Variants in DRC11 observed in about 807,000 individuals in gnomAD.
DRC11 encodes the protein IQ and AAA domain-containing protein 1.
chr2:236,342,357 G>A, the DRC11 span, among the ~76,000 whole-genome samples: 38 of 152,320 alleles, frequency 2.5e-4, 1 homozygote, highest in Admixed American at 2.2e-3. The surrounding 1 kb of genome is among the most constrained non-coding windows in gnomAD (Gnocchi z 5.8). Context: ...AGCAGGTTAC[G>A]ATGCCTCCTG....
chr2:236,462,851 T>G, the DRC11 span, among the ~76,000 whole-genome samples: 1 of 152,186 alleles, frequency 6.6e-6, no homozygotes, highest in Non-Finnish European at 1.5e-5. The surrounding 1 kb of genome is among the most constrained non-coding windows in gnomAD (Gnocchi z 6.4). Context: ...AATTTCCCCA[T>G]GAGAGACAGT....
chr2:236,486,189 C>T, the DRC11 span, among the ~76,000 whole-genome samples: 1 of 152,166 alleles, frequency 6.6e-6, no homozygotes, highest in Non-Finnish European at 1.5e-5. The surrounding 1 kb of genome is among the most constrained non-coding windows in gnomAD (Gnocchi z 5.7). Flanking sequence ...ATCTGATGCC[C>T]TACAGGGAAC....
chr2:236,364,877 G>GTTA, the DRC11 span, among the ~76,000 whole-genome samples: 9 of 143,708 alleles, frequency 6.3e-5, no homozygotes, highest in Non-Finnish European at 1.4e-4. Context: ...GAAAATTTAA[G>GTTA]TGATGATTAG....
the DRC11 span, among the ~76,000 whole-genome samples, chr2:236,416,088 A>G: frequency 6.6e-6 from 1 of 151,956 alleles, no homozygotes; most frequent in African/African-American, 2.4e-5. Flanking sequence ...TCAGATGGAG[A>G]TGGATGTAGG....
chr2:236,333,182 T>C, the DRC11 span: 4 of 152,232 alleles, frequency 2.6e-5, no homozygotes, highest in Non-Finnish European at 4.4e-5. The surrounding 1 kb of genome is among the most constrained non-coding windows in gnomAD (Gnocchi z 6.0). Context: ...CTGTTGTTAT[T>C]ACAATGACAA....
At chr2:236,330,972 C>T in the DRC11 span, among the ~76,000 whole-genome samples, 2 of 152,140 alleles carry the variant, frequency 1.3e-5, no homozygotes, top group African/African-American at 4.8e-5. The surrounding 1 kb of genome is among the most constrained non-coding windows in gnomAD (Gnocchi z 5.5). Flanking sequence ...TGTTCCATGA[C>T]AATTGTGGGC....
the DRC11 span, among the ~76,000 whole-genome samples, chr2:236,501,975 C>T: frequency 6.6e-6 from 1 of 152,210 alleles, no homozygotes; most frequent in East Asian, 1.9e-4. Context: ...AGCAACAGTC[C>T]AGCAAAACCC....
chr2:236,372,548 CT>C, the DRC11 span, among the ~76,000 whole-genome samples: 10 of 151,422 alleles, frequency 6.6e-5, no homozygotes, highest in African/African-American at 1.5e-4. The surrounding 1 kb of genome is among the most constrained non-coding windows in gnomAD (Gnocchi z 4.5). Context: ...GCGAGCTGCA[CT>C]TTTTTTTTCC....
At chr2:236,398,152 T>G in the DRC11 span, among the ~76,000 whole-genome samples, 2 of 152,178 alleles carry the variant, frequency 1.3e-5, no homozygotes, top group African/African-American at 4.8e-5. The surrounding 1 kb of genome is among the most constrained non-coding windows in gnomAD (Gnocchi z 6.2). Context: ...TTGCACGTCT[T>G]AGGTACTTAA....
At chr2:236,338,934 G>A in the DRC11 span, among the ~76,000 whole-genome samples, 1 of 152,244 alleles carries the variant, frequency 6.6e-6, no homozygotes, top group East Asian at 1.9e-4. Context: ...AGCGAGAACA[G>A]GCTGGCTGTT....
the DRC11 span, chr2:236,368,006 C>A: frequency 4.8e-6 from 3 of 626,958 alleles, no homozygotes; most frequent in Admixed American, 2.3e-5. Context: ...TGCAGAAGTG[C>A]TCTCCCTGGT....
chr2:236,408,732 C>G, the DRC11 span: 1 of 697,276 alleles, frequency 1.4e-6, no homozygotes. The surrounding 1 kb of genome is among the most constrained non-coding windows in gnomAD (Gnocchi z 5.5). Context: ...GTGCTTTTTG[C>G]ACTCATCGCT....
chr2:236,318,419 G>A, the DRC11 span, among the ~76,000 whole-genome samples: 221 of 152,232 alleles, frequency 1.5e-3, 1 homozygote, highest in African/African-American at 5.0e-3. The surrounding 1 kb of genome is among the most constrained non-coding windows in gnomAD (Gnocchi z 7.0). Flanking sequence ...GCATGCCTAC[G>A]TGTGCATGCC....
the DRC11 span, chr2:236,391,853 G>A: frequency 2.6e-6 from 2 of 755,582 alleles, no homozygotes; most frequent in Non-Finnish European, 4.6e-6. The surrounding 1 kb of genome is among the most constrained non-coding windows in gnomAD (Gnocchi z 4.5). Flanking sequence ...AGGCAGGCAT[G>A]TTTCCCCGTG....
the DRC11 span, among the ~76,000 whole-genome samples, chr2:236,401,932 G>A: frequency 4.6e-5 from 7 of 152,296 alleles, no homozygotes; most frequent in East Asian, 9.7e-4. This position sits in a 1 kb window ranked among gnomAD's most constrained non-coding sequence, Gnocchi z 4.6. Flanking sequence ...TTAAACTTAT[G>A]TTCTTTAAAG....
the DRC11 span, among the ~76,000 whole-genome samples, chr2:236,460,756 T>G: frequency 4.8e-5 from 7 of 146,232 alleles, no homozygotes; most frequent in Non-Finnish European, 9.3e-5. The surrounding 1 kb of genome is among the most constrained non-coding windows in gnomAD (Gnocchi z 4.0). Flanking sequence ...CATATTTATT[T>G]TATTTATTTA....
chr2:236,393,369 G>A, the DRC11 span, among the ~76,000 whole-genome samples: 1 of 152,080 alleles, frequency 6.6e-6, no homozygotes, highest in African/African-American at 2.4e-5. This position sits in a 1 kb window ranked among gnomAD's most constrained non-coding sequence, Gnocchi z 4.7. Context: ...TCCAAGGCAG[G>A]GGGTGGTGAA....
At chr2:236,357,684 AATATG>A in the DRC11 span, among the ~76,000 whole-genome samples, 337 of 88,248 alleles carry the variant, frequency 3.8e-3, 2 homozygotes, top group African/African-American at 0.013. Context: ...ATATATTTAC[AATATG>A]TAAATATCTG....
the DRC11 span, among the ~76,000 whole-genome samples, chr2:236,422,792 C>A: frequency 6.6e-6 from 1 of 152,126 alleles, no homozygotes; most frequent in African/African-American, 2.4e-5. Flanking sequence ...CACTACCTGA[C>A]TTCAAACTAT....
Sources: gnomAD v4.1 joint callset for allele counts (sites outside exome capture counted in the v4.1 genomes callset) on GRCh38, gnomAD v4.1.1 for gene constraint, Gnocchi (gnomAD v3.1) non-coding constraint, MANE v1.5 for transcripts, NCBI Gene and HGNC (gene_info 2026-07-23, HGNC 2026-07-21) for gene names.